The following CYSLTR1 variants were observed in gnomAD, a reference collection of about 807,000 sequenced individuals.
CYSLTR1 encodes cysteinyl leukotriene receptor 1.
In CYSLTR1, 1 loss-of-function variant was observed where a neutral mutation model predicts 2.1. The ratio of observed to expected loss-of-function variants is 0.48; its 90% CI spans 0.17 to 2.28. The LOEUF (loss-of-function observed/expected upper bound fraction) is 2.28. Ranked by LOEUF, CYSLTR1 falls within the 30% of genes most tolerant of loss-of-function variation. The pLI is 0.26. For synonymous variants in CYSLTR1, 110 were observed against 89.6 expected, an observed-to-expected ratio of 1.23 and a Z score of -1.28; for missense variants, 299 against 250.1, an observed-to-expected ratio of 1.20 and a Z score of -1.32.
At chrX:78,298,124 C>T (rs1426253778) in intron 1 of CYSLTR1, among the ~76,000 whole-genome samples, 2 of 111,029 alleles carry the variant, frequency 1.8e-5, no homozygotes, top group African/African-American at 3.3e-5. Context: ...TTAATTGTTT[C>T]CTTGACAAAC....
chrX:78,288,540 A>T (rs1308488046), intron 1 of CYSLTR1, among the ~76,000 whole-genome samples: 2 of 111,149 alleles, frequency 1.8e-5, no homozygotes, highest in Non-Finnish European at 3.8e-5. Flanking sequence ...CTCTGTGGTC[A>T]TTCAATTTAT....
chrX:78,326,837 ATG>A (rs1339939623), intron 1 of CYSLTR1, among the ~76,000 whole-genome samples: 2 of 111,942 alleles, frequency 1.8e-5, no homozygotes, highest in African/African-American at 6.5e-5. Flanking sequence ...AAATTATAGG[ATG>A]TTGAAAGGTT....
At chrX:78,325,123 C>A (rs1420460915) in intron 1 of CYSLTR1, among the ~76,000 whole-genome samples, 1 of 112,235 alleles carries the variant, frequency 8.9e-6, no homozygotes, top group African/African-American at 3.2e-5. Context: ...AGTGCTTTCA[C>A]AGAAATACTT....
intron 1 of CYSLTR1, among the ~76,000 whole-genome samples, chrX:78,327,058 T>C (rs1173873455): frequency 9.0e-6 from 1 of 111,590 alleles, no homozygotes; most frequent in Admixed American, 9.5e-5. Flanking sequence ...GCGGAGTGTG[T>C]CTCCTCTGTA....
At chrX:78,299,451 A>G (rs1055799080) in intron 1 of CYSLTR1, among the ~76,000 whole-genome samples, 3 of 110,720 alleles carry the variant, frequency 2.7e-5, no homozygotes, top group Non-Finnish European at 5.7e-5. Flanking sequence ...TAATCCCTTT[A>G]ACAGTTCTTA....
intron 1 of CYSLTR1, among the ~76,000 whole-genome samples, chrX:78,285,262 A>G (rs914453882): frequency 1.8e-5 from 2 of 109,600 alleles, no homozygotes; most frequent in Admixed American, 9.8e-5. Context: ...CTACTGAAAA[A>G]TACAAAAAAT....
intron 1 of CYSLTR1, among the ~76,000 whole-genome samples, chrX:78,285,565 G>T (rs970378165): frequency 1.3e-4 from 15 of 112,120 alleles, no homozygotes; most frequent in Non-Finnish European, 2.8e-4. Context: ...AAGAAAGAAA[G>T]TTTATGAATT....
At chrX:78,316,433 C>A (rs910157859) in intron 1 of CYSLTR1, among the ~76,000 whole-genome samples, 2 of 112,273 alleles carry the variant, frequency 1.8e-5, no homozygotes, top group African/African-American at 3.2e-5. Flanking sequence ...AGGGGTGAGA[C>A]CTGAAAGCCA....
chrX:78,316,815 C>A (rs1203045232), intron 1 of CYSLTR1, among the ~76,000 whole-genome samples: 1 of 112,036 alleles, frequency 8.9e-6, no homozygotes, highest in African/African-American at 3.2e-5. Context: ...CCTTGTCTTT[C>A]ACTTTACACA....
intron 1 of CYSLTR1, among the ~76,000 whole-genome samples, chrX:78,317,123 A>G (rs1020443752): frequency 8.9e-6 from 1 of 112,352 alleles, no homozygotes; most frequent in Non-Finnish European, 1.9e-5. Flanking sequence ...ACAACAACTC[A>G]AATAAATCAG....
chrX:78,286,159 TAAGAATGTC>T (rs1922063243), intron 1 of CYSLTR1, among the ~76,000 whole-genome samples: 1 of 111,199 alleles, frequency 9.0e-6, no homozygotes, highest in Non-Finnish European at 1.9e-5. Context: ...AGAGGTTTTC[TAAGAATGTC>T]AGGCCCCAGG....
chrX:78,277,945 A>T (rs772642765), intron 2 of CYSLTR1, among the ~76,000 whole-genome samples: 1 of 112,024 alleles, frequency 8.9e-6, no homozygotes, highest in Non-Finnish European at 1.9e-5. Flanking sequence ...AATGACAGAC[A>T]TAGAATTCAA....
Position 78,290,436 on chromosome X carries a change from G to A in CYSLTR1, c.-114-6896C>T, listed in dbSNP as rs745803496. Among the ~76,000 whole-genome samples, 13 of 111,844 alleles carry A rather than the reference G, an allele frequency of 1.2e-4. No homozygotes were observed. The South Asian group carries it at 4.9e-3, about 42-fold the overall frequency. Reference sequence around the variant, plus strand: ...GTTCTTTTGGCTTAGGATTGTCTTGGCAATGCTGGCTCTTTTTTGGTTCCA... The same window carrying A: ...GTTCTTTTGGCTTAGGATTGTCTTGACAATGCTGGCTCTTTTTTGGTTCCA... On this transcript the variant is annotated intron_variant, in intron 1 of 2. Transcript: ENST00000373304.
chrX:78,288,126 C>T (rs1922148736), intron 1 of CYSLTR1, among the ~76,000 whole-genome samples: 2 of 110,835 alleles, frequency 1.8e-5, no homozygotes, highest in Non-Finnish European at 3.8e-5. Context: ...ATTACTTGAG[C>T]CCGTGAGGTC....
intron 1 of CYSLTR1, among the ~76,000 whole-genome samples, chrX:78,301,883 G>A (rs991775488): frequency 1.8e-5 from 2 of 112,198 alleles, no homozygotes; most frequent in African/African-American, 3.2e-5. Flanking sequence ...AGTTCCAAGT[G>A]GTTGGGGAGG....
intron 1 of CYSLTR1, among the ~76,000 whole-genome samples, chrX:78,295,125 T>C (rs775993153): frequency 1.0e-3 from 113 of 112,481 alleles, no homozygotes; most frequent in Non-Finnish European, 1.6e-3. Context: ...ATGGAACCAA[T>C]GTTTATCTTT....
At chrX:78,320,917 G>C (rs931051047) in intron 1 of CYSLTR1, 5 of 111,511 alleles carry the variant, frequency 4.5e-5, no homozygotes, top group African/African-American at 1.6e-4. Flanking sequence ...CTGTTTTTCT[G>C]TTATTGCTGT....
At chrX:78,319,011 T>G (rs1239459540) in intron 1 of CYSLTR1, 2 of 110,782 alleles carry the variant, frequency 1.8e-5, no homozygotes, top group Non-Finnish European at 3.8e-5. Context: ...TTTATACTTA[T>G]ACTTCAAGAT....
intron 1 of CYSLTR1, among the ~76,000 whole-genome samples, chrX:78,295,735 T>G (rs1254305069): frequency 8.9e-6 from 1 of 111,873 alleles, no homozygotes; most frequent in Non-Finnish European, 1.9e-5. Context: ...ATTTTTTGAT[T>G]AAATTATTAG....
Sources: allele counts gnomAD v4.1 joint callset (sites outside exome capture counted in the v4.1 genomes callset), GRCh38; gene constraint gnomAD v4.1.1; transcripts MANE v1.5; gene names NCBI Gene and HGNC (gene_info 2026-07-23, HGNC 2026-07-21).